AGMO: variants seen among roughly 807,000 people sequenced by gnomAD.
AGMO encodes alkylglycerol monooxygenase.
In AGMO, 75 loss-of-function variants were observed where a neutral mutation model predicts 60.2. That is an observed-to-expected ratio of 1.25 (90% CI 1.03 to 1.51). The LOEUF is 1.51. Ranked by LOEUF, AGMO falls within the 40% of genes most tolerant of loss-of-function variation. The pLI, the probability that AGMO is intolerant of heterozygous loss-of-function variation, is 0.00. For synonymous variants in AGMO, 261 were observed against 177.1 expected (o/e 1.47, Z -3.76); for missense variants, 763 against 525.5 (o/e 1.45, Z -4.42).
the AGMO span, among the ~76,000 whole-genome samples, chr7:15,173,967 T>G: frequency 6.6e-6 from 1 of 152,020 alleles, no homozygotes; most frequent in Non-Finnish European, 1.5e-5. Context: ...TTAATACATT[T>G]TAAACTTTAA....
intron 3 of AGMO, among the ~76,000 whole-genome samples, chr7:15,433,932 A>G (rs1781327149): frequency 6.6e-6 from 1 of 151,880 alleles, no homozygotes; most frequent in African/African-American, 2.4e-5. Flanking sequence ...TCTGTGTTGT[A>G]TTTTTGAATT....
chr7:15,510,204 C>T (rs938142869), intron 3 of AGMO, among the ~76,000 whole-genome samples: 9 of 152,054 alleles, frequency 5.9e-5, no homozygotes, highest in African/African-American at 2.2e-4. Flanking sequence ...CTCACTCTGT[C>T]TCTCAGGCTG....
intron 3 of AGMO, among the ~76,000 whole-genome samples, chr7:15,515,254 T>C (rs1444848030): frequency 6.6e-6 from 1 of 152,242 alleles, no homozygotes; most frequent in Non-Finnish European, 1.5e-5. Flanking sequence ...GACAACTTTC[T>C]CTTTAGTAAA....
chr7:15,353,230 G>A (rs1380388454), intron 12 of AGMO, among the ~76,000 whole-genome samples: 2 of 152,106 alleles, frequency 1.3e-5, no homozygotes, highest in East Asian at 1.9e-4. Flanking sequence ...TTACATCCAC[G>A]AATAAGTCAT....
chr7:15,470,152 A>G (rs1026612160), intron 3 of AGMO, among the ~76,000 whole-genome samples: 8 of 152,052 alleles, frequency 5.3e-5, no homozygotes, highest in African/African-American at 1.7e-4. Flanking sequence ...GATATTCAAG[A>G]AAGATAGCAT....
chr7:15,210,616 A>T lies in AGMO; in HGVS notation c.1264-9257T>A, dbSNP rs535834521. Among the ~76,000 whole-genome samples the T allele has an allele frequency of 2.0e-5, 3 of 152,238 alleles. No individual in the cohort carries two copies. The East Asian group carries it at 5.8e-4, about 29-fold the overall frequency. On this transcript the variant is annotated intron_variant, in intron 12 of 12. Transcript: ENST00000342526. ...CAGTAATCTATATTACTAGGTAACTAACTGTTCAATTTCCTGTATAACGGA... is the reference window on the plus strand; with the variant it reads ...CAGTAATCTATATTACTAGGTAACTTACTGTTCAATTTCCTGTATAACGGA...
the AGMO span, among the ~76,000 whole-genome samples, chr7:15,150,535 A>T: frequency 1.3e-5 from 2 of 151,986 alleles, no homozygotes; most frequent in African/African-American, 4.8e-5. Context: ...TTTTATTGAA[A>T]GCCTTTTTGT....
At chr7:15,161,710 TAC>T in the AGMO span, among the ~76,000 whole-genome samples, 2 of 151,568 alleles carry the variant, frequency 1.3e-5, no homozygotes, top group African/African-American at 2.4e-5. Flanking sequence ...TGTGTATACA[TAC>T]ACACACATAT....
chr7:15,391,011 A>C lies in AGMO; in HGVS notation c.677-106T>G, dbSNP rs1052004326. 1.2e-5 allele frequency: 8 copies of C among 685,800 alleles called. No homozygotes were observed. In the Admixed American group the frequency reaches 1.9e-4, roughly 16 times the overall value. 42.5% of individuals were successfully genotyped at this position (685,800 alleles called of 1,614,324 possible). A position where few individuals can be genotyped will look rare whatever the true frequency, so the allele number is the denominator to read the frequency against. The stretch of plus-strand genomic sequence containing the variant: ...ATATTCATAAAATTCAGATTTAAAC[A>C]GGGTACAATTTCCCTGGGAATGTCT... On this transcript the variant is annotated intron_variant, in intron 6 of 12. Transcript: ENST00000342526.
At chr7:15,441,515 ATC>A (rs1188204114) in intron 3 of AGMO, among the ~76,000 whole-genome samples, 1 of 152,182 alleles carries the variant, frequency 6.6e-6, no homozygotes, top group Non-Finnish European at 1.5e-5. Flanking sequence ...AAAGCAAGAA[ATC>A]TTCCAAAGTA....
chr7:15,385,647 G>C, intron 9 of AGMO, 85 bp from the exon 10 acceptor site: 1 of 766,422 alleles, frequency 1.3e-6, no homozygotes, highest in East Asian at 2.6e-5. Flanking sequence ...TTTGAAAAAA[G>C]TATCTGCTAT....
intron 12 of AGMO, among the ~76,000 whole-genome samples, chr7:15,323,541 A>G (rs1419368969): frequency 6.6e-6 from 1 of 152,164 alleles, no homozygotes; most frequent in Non-Finnish European, 1.5e-5. Flanking sequence ...TTACAATTTC[A>G]TGCTACAGAA....
intron 3 of AGMO, among the ~76,000 whole-genome samples, chr7:15,467,891 C>T (rs1529893): frequency 0.83 from 126,703 of 151,986 alleles, 52,990 homozygotes; most frequent in East Asian, 0.97. Flanking sequence ...CAATATAGTA[C>T]GGCTCTGAAA....
intron 12 of AGMO, among the ~76,000 whole-genome samples, chr7:15,272,702 G>A (rs1039508459): frequency 6.6e-6 from 1 of 152,086 alleles, no homozygotes; most frequent in African/African-American, 2.4e-5. Flanking sequence ...GAGGAATCGC[G>A]ACACTGTCTT....
rs2128499246 is a variant in AGMO at position 15,433,951 on chromosome 7, A to T, written c.410-2843T>A. 2.0e-5 allele frequency among the ~76,000 whole-genome samples: 3 copies of T among 152,068 alleles called. No homozygotes were observed. The Middle Eastern group carries it at 0.01, about 517-fold the overall frequency. ...TGTTGTATTTTTGAATTTCTTTTTC[A>T]ATTTTTTTATGAAGATGTAACTTAC... On this transcript the variant is annotated intron_variant, in intron 3 of 12. Coordinates refer to ENST00000342526, the MANE Select transcript of AGMO (RefSeq NM_001004320.2).
intron 5 of AGMO, among the ~76,000 whole-genome samples, chr7:15,417,626 A>G (rs1780810374): frequency 6.6e-6 from 1 of 152,208 alleles, no homozygotes; most frequent in Non-Finnish European, 1.5e-5. Context: ...ATAAAACACA[A>G]TACTATTTCA....
At chr7:15,147,648 G>A in the AGMO span, among the ~76,000 whole-genome samples, 1 of 152,060 alleles carries the variant, frequency 6.6e-6, no homozygotes, top group Non-Finnish European at 1.5e-5. Context: ...AAATTTCAGA[G>A]CTACAGCCAA....
chr7:15,395,743 T>C (rs995142351), intron 5 of AGMO, among the ~76,000 whole-genome samples: 1 of 152,228 alleles, frequency 6.6e-6, no homozygotes, highest in Non-Finnish European at 1.5e-5. Flanking sequence ...CTGCTAGTAA[T>C]GTCCATAAAT....
At chr7:15,555,991 T>C (rs1379608971) in intron 2 of AGMO, among the ~76,000 whole-genome samples, 2 of 151,908 alleles carry the variant, frequency 1.3e-5, no homozygotes, top group South Asian at 2.1e-4. Context: ...ATTATTAACG[T>C]TACACAGATT....
Sources: allele counts gnomAD v4.1 joint callset (sites outside exome capture counted in the v4.1 genomes callset), GRCh38; gene constraint gnomAD v4.1.1; transcripts MANE v1.5; gene names NCBI Gene and HGNC (gene_info 2026-07-23, HGNC 2026-07-21).